Variants in TENM3 observed in about 807,000 individuals in gnomAD.
TENM3 encodes the protein teneurin transmembrane protein 3.
Under a neutral mutation model 255.1 loss-of-function variants are expected in TENM3, and 63 were observed. The observed-to-expected ratio is 0.25, with a 90% CI of 0.20 to 0.30. The LOEUF is 0.30. Among genes scored for constraint, TENM3 ranks in the 10% least tolerant of loss-of-function variants. The pLI, the probability that TENM3 is intolerant of heterozygous loss-of-function variation, is 1.00. For missense variants in TENM3, 2,929 were observed against 3,461.1 expected (o/e 0.85, Z 3.86); for synonymous variants, 1,306 against 1,322.3 (o/e 0.99, Z 0.27).
At chr4:181,990,020 T>G in the TENM3 span, among the ~76,000 whole-genome samples, 1 of 152,166 alleles carries the variant, frequency 6.6e-6, no homozygotes, top group African/African-American at 2.4e-5. Flanking sequence ...TATCTATATT[T>G]TCAGAGTCTA....
intron 3 of TENM3, among the ~76,000 whole-genome samples, chr4:182,397,892 G>A (rs1453924268): frequency 1.3e-5 from 2 of 152,114 alleles, no homozygotes; most frequent in Non-Finnish European, 2.9e-5. Context: ...TCTGTGCCGT[G>A]GTCAATAACG....
intron 1 of TENM3, among the ~76,000 whole-genome samples, chr4:182,174,527 CACACAA>C (rs1554026055): frequency 7.2e-4 from 108 of 149,970 alleles, no homozygotes; most frequent in African/African-American, 2.3e-3. Flanking sequence ...CACACACACA[CACACAA>C]ACACACACTT....
the TENM3 span, among the ~76,000 whole-genome samples, chr4:181,526,895 G>C: frequency 6.6e-6 from 1 of 152,010 alleles, no homozygotes; most frequent in Non-Finnish European, 1.5e-5. Context: ...CCTCTCTTTC[G>C]AGTAGTAGTA....
At chr4:182,324,775 C>T (rs2150507971) in intron 2 of TENM3, among the ~76,000 whole-genome samples, 1 of 152,350 alleles carries the variant, frequency 6.6e-6, no homozygotes, top group African/African-American at 2.4e-5. Context: ...GGAAAGGTTC[C>T]ATTGTCTTTC....
intron 22 of TENM3, among the ~76,000 whole-genome samples, chr4:182,766,486 G>A (rs1276032724): frequency 6.6e-6 from 1 of 152,166 alleles, no homozygotes; most frequent in Non-Finnish European, 1.5e-5. Flanking sequence ...CCCTGACTTG[G>A]ATGGCTTTGT....
chr4:181,590,390 T>C, the TENM3 span, among the ~76,000 whole-genome samples: 1 of 152,144 alleles, frequency 6.6e-6, no homozygotes, highest in African/African-American at 2.4e-5. Flanking sequence ...CAAACTCCTG[T>C]CCGATTTACC....
intron 16 of TENM3, among the ~76,000 whole-genome samples, chr4:182,731,868 A>G (rs188540626): frequency 0.016 from 2,280 of 146,580 alleles, 47 homozygotes; most frequent in South Asian, 0.1. Context: ...TGCAAGCTCC[A>G]CCTCCCGGGT....
At chr4:182,569,371 G>A (rs1487804806) in intron 3 of TENM3, among the ~76,000 whole-genome samples, 5 of 151,922 alleles carry the variant, frequency 3.3e-5, no homozygotes, top group Admixed American at 6.6e-5. Flanking sequence ...CCTGGCCAAC[G>A]TGGTAAACCC....
At chr4:182,486,052 T>G (rs1734674023) in intron 3 of TENM3, among the ~76,000 whole-genome samples, 1 of 151,964 alleles carries the variant, frequency 6.6e-6, no homozygotes, top group Non-Finnish European at 1.5e-5. Flanking sequence ...AGGTAGCATG[T>G]CCAAAGCTGG....
chr4:182,762,157 C>T (rs749594158), intron 22 of TENM3, among the ~76,000 whole-genome samples: 2 of 152,214 alleles, frequency 1.3e-5, no homozygotes, highest in South Asian at 2.1e-4. Flanking sequence ...CTCAGTTCAT[C>T]GGCTGTGTCC....
the TENM3 span, among the ~76,000 whole-genome samples, chr4:182,121,280 G>A: frequency 6.6e-6 from 1 of 152,256 alleles, no homozygotes; most frequent in South Asian, 2.1e-4. Flanking sequence ...TTACAGATGT[G>A]AGCCACCCCG....
At chr4:181,838,944 A>G in the TENM3 span, among the ~76,000 whole-genome samples, 9 of 151,616 alleles carry the variant, frequency 5.9e-5, no homozygotes, top group African/African-American at 1.9e-4. Flanking sequence ...TTAAAAATGC[A>G]TGTTTTATTT....
the TENM3 span, among the ~76,000 whole-genome samples, chr4:181,631,026 T>C: frequency 1.3e-5 from 2 of 152,170 alleles, no homozygotes; most frequent in Non-Finnish European, 2.9e-5. Flanking sequence ...CTGATTGCGG[T>C]ATCAATAGGT....
the TENM3 span, among the ~76,000 whole-genome samples, chr4:181,638,759 C>G: frequency 2.5e-4 from 38 of 152,110 alleles, no homozygotes; most frequent in Admixed American, 1.2e-3. Flanking sequence ...TTAATAATCA[C>G]TATGTATAAA....
At chr4:182,481,465 C>A (rs557716458) in intron 3 of TENM3, among the ~76,000 whole-genome samples, 14 of 146,902 alleles carry the variant, frequency 9.5e-5, no homozygotes, top group Non-Finnish European at 1.4e-4. Flanking sequence ...TTTACACTTA[C>A]GTTGAGATTT....
At chr4:182,379,137 G>A (rs1280786205) in intron 3 of TENM3, among the ~76,000 whole-genome samples, 1 of 152,180 alleles carries the variant, frequency 6.6e-6, no homozygotes, top group African/African-American at 2.4e-5. Context: ...CAGCACTTTG[G>A]GAGGCCGGGG....
the TENM3 span, among the ~76,000 whole-genome samples, chr4:181,763,870 T>C: frequency 1.3e-5 from 2 of 152,262 alleles, no homozygotes; most frequent in Non-Finnish European, 2.9e-5. Context: ...TATTCAGTTA[T>C]GGAAAACTTT....
chr4:181,792,434 A>G, the TENM3 span, among the ~76,000 whole-genome samples: 1 of 152,202 alleles, frequency 6.6e-6, no homozygotes, highest in Non-Finnish European at 1.5e-5. Flanking sequence ...CTCAAAAGCA[A>G]TATACCGGAA....
At position 182,785,569 on chromosome 4, in the gene TENM3, G is replaced by A. The variant is rs192644008; in HGVS notation, c.5305-3524G>A. ...CTAAAAATACAAAAATTAGCCAGGC[G>A]TGGTGGCGCACGCCTCTCGTCTCAG... is the stretch of plus-strand genomic sequence containing the variant. On this transcript the variant is annotated intron_variant, in intron 24 of 27. Transcript: ENST00000511685. Among the ~76,000 whole-genome samples, 7 of 151,490 alleles carry A rather than the reference G, an allele frequency of 4.6e-5. No individual in the cohort carries two copies. The East Asian group carries it at 6.0e-4, about 13-fold the overall frequency.
Sources: allele counts gnomAD v4.1 joint callset (sites outside exome capture counted in the v4.1 genomes callset), GRCh38; gene constraint gnomAD v4.1.1; transcripts MANE v1.5; gene names NCBI Gene and HGNC (gene_info 2026-07-23, HGNC 2026-07-21).